SYK: variants seen among roughly 807,000 people sequenced by gnomAD.
SYK encodes tyrosine-protein kinase SYK.
In SYK, 16 loss-of-function variants were observed where a neutral mutation model predicts 77.8. The ratio of observed to expected loss-of-function variants is 0.21; its 90% CI spans 0.14 to 0.31. The LOEUF (loss-of-function observed/expected upper bound fraction) is 0.31, where lower values mean the gene tolerates loss of function less well. SYK is among the 10% of genes least tolerant of loss of function. The pLI, the probability that SYK is intolerant of heterozygous loss-of-function variation, is 1.00. For synonymous variants in SYK, 312 were observed against 308.7 expected, an observed-to-expected ratio of 1.01 and a Z score of -0.11; for missense variants, 529 against 814.4, an observed-to-expected ratio of 0.65 and a Z score of 4.26.
intron 10 of SYK, 31 bp downstream of exon 10, chr9:90,877,811 G>A (rs751384534): frequency 1.2e-6 from 2 of 1,612,338 alleles, no homozygotes; most frequent in Admixed American, 1.7e-5. Context: ...ACATCTGGAA[G>A]CTATCCCCTA....
chr9:90,883,556 G>T (rs1174159832), intron 11 of SYK, among the ~76,000 whole-genome samples: 4 of 152,106 alleles, frequency 2.6e-5, no homozygotes, highest in Non-Finnish European at 5.9e-5. Context: ...CTGGTGGTAG[G>T]CCTTCAGGGC....
At chr9:90,829,476 A>C (rs568434854) in intron 1 of SYK, among the ~76,000 whole-genome samples, 16 of 152,320 alleles carry the variant, frequency 1.1e-4, no homozygotes, top group African/African-American at 3.6e-4. Flanking sequence ...AGTCCTGCCA[A>C]GAACTAGAAT....
At chr9:90,885,368 A>T (rs189988675) in intron 11 of SYK, among the ~76,000 whole-genome samples, 1 of 152,304 alleles carries the variant, frequency 6.6e-6, no homozygotes, top group Admixed American at 6.5e-5. Context: ...GGAACTAAAG[A>T]TTCATTGAAT....
intron 4 of SYK, 41 bp from the exon 5 acceptor site, chr9:90,864,548 G>T: frequency 6.4e-7 from 1 of 1,559,078 alleles, no homozygotes; most frequent in South Asian, 1.1e-5. Context: ...TCTATTTCCT[G>T]ACCTTGGTAT....
intron 9 of SYK, among the ~76,000 whole-genome samples, chr9:90,876,146 G>A (rs944236787): frequency 6.6e-6 from 1 of 152,024 alleles, no homozygotes; most frequent in African/African-American, 2.4e-5. Context: ...AATTAGCTGG[G>A]TGTGGTGGCA....
rs113367349 is a variant in SYK, at chr9:90,896,754, C to T, written c.*1154C>T. ...CATTGATTTCAGTTTTGCTGTACCT[C>T]TTGAAAGTTAAAGAGACATCTCAGC... On this transcript the variant is annotated 3_prime_UTR_variant, in exon 14 of 14. Coordinates refer to ENST00000375754, the MANE Select transcript of SYK (RefSeq NM_003177.7). The T allele has an allele frequency of 3.8e-4, 86 of 226,922 alleles. 2 individuals are homozygous for T. Among genetic ancestry groups the T allele is most frequent in the African/African-American group, 1.8e-3 (83 of 45,150 alleles). The allele number at this position is 226,922 out of a possible 1,614,324, so 14.1% of individuals were successfully genotyped here.
At chr9:90,835,930 G>C (rs539694332) in intron 1 of SYK, among the ~76,000 whole-genome samples, 1 of 152,184 alleles carries the variant, frequency 6.6e-6, no homozygotes, top group East Asian at 1.9e-4. Flanking sequence ...AAAAATATTG[G>C]AAAAAAGTTT....
In SYK at chr9:90,879,040, G is replaced by C. The variant is rs576106772; in HGVS notation, c.1581+87G>C. On this transcript the variant is annotated intron_variant, in intron 11 of 13. Transcript: ENST00000375754. ...GTTTTCTTTATTTTATTATTGGTAT[G>C]GTTTCAAAAAGCAGTTTTGCTACTG... The C allele has an allele frequency of 1.0e-3, 1,108 of 1,077,820 alleles. 2 individuals carry two copies. The highest frequency in any genetic ancestry group is 1.4e-3 in the Admixed American group (61 of 42,904). 66.8% of individuals were successfully genotyped at this position (1,077,820 alleles called of 1,614,324 possible). A position where few individuals can be genotyped will look rare whatever the true frequency, so the allele number is the denominator to read the frequency against.
intron 11 of SYK, among the ~76,000 whole-genome samples, chr9:90,882,149 CT>C (rs1324831707): frequency 6.6e-6 from 1 of 152,176 alleles, no homozygotes; most frequent in Non-Finnish European, 1.5e-5. Context: ...TGAAGACAGC[CT>C]AAATTTCATT....
intron 11 of SYK, among the ~76,000 whole-genome samples, chr9:90,882,933 C>T (rs1828213712): frequency 6.6e-6 from 1 of 152,170 alleles, no homozygotes; most frequent in Non-Finnish European, 1.5e-5. Flanking sequence ...ATCCTAGCGA[C>T]AGAAGAACCC....
At chr9:90,858,209 G>A (rs3789903) in intron 3 of SYK, among the ~76,000 whole-genome samples, 1 of 152,058 alleles carries the variant, frequency 6.6e-6, no homozygotes, top group Non-Finnish European at 1.5e-5. Flanking sequence ...CTCACCTTTG[G>A]ATAGTGTTCT....
chr9:90,854,385 T>C (rs866948928), intron 3 of SYK, among the ~76,000 whole-genome samples: 1 of 152,264 alleles, frequency 6.6e-6, no homozygotes, highest in South Asian at 2.1e-4. Flanking sequence ...CAGGAGGTTG[T>C]GAGCCTCAGC....
chr9:90,803,619 A>C (rs1824698433), intron 1 of SYK, among the ~76,000 whole-genome samples: 1 of 151,920 alleles, frequency 6.6e-6, no homozygotes, highest in Non-Finnish European at 1.5e-5. Flanking sequence ...TGCAGGTCTA[A>C]TCTCTCTGCT....
At chr9:90,849,470 C>T (rs1453998673) in intron 3 of SYK, among the ~76,000 whole-genome samples, 2 of 152,212 alleles carry the variant, frequency 1.3e-5, no homozygotes, top group Non-Finnish European at 2.9e-5. Flanking sequence ...TTGCTTTCCA[C>T]TTCCTGACAT....
chr9:90,864,539 C>A, intron 4 of SYK, 50 bp from the exon 5 acceptor site: 1 of 1,515,932 alleles, frequency 6.6e-7, no homozygotes, highest in South Asian at 1.1e-5. Flanking sequence ...CACTATTTGT[C>A]TATTTCCTGA....
At chr9:90,823,026 T>C (rs1178302801) in intron 1 of SYK, among the ~76,000 whole-genome samples, 4 of 152,152 alleles carry the variant, frequency 2.6e-5, no homozygotes, top group Admixed American at 6.5e-5. Context: ...CAATGGTTAC[T>C]CTCCAAGGGA....
At chr9:90,853,704 C>T (rs1236261391) in intron 3 of SYK, among the ~76,000 whole-genome samples, 1 of 152,022 alleles carries the variant, frequency 6.6e-6, no homozygotes, top group Non-Finnish European at 1.5e-5. Context: ...GGGAACATCA[C>T]ACTCTGGGGA....
In SYK at chr9:90,897,058, TAATTTAGC is replaced by T. The variant is rs1356955935; in HGVS notation, c.*1459_*1466del. 6.4e-5 allele frequency: 14 copies of T among 219,290 alleles called. No homozygotes were observed. The highest frequency in any genetic ancestry group is 3.1e-4 in the African/African-American group (14 of 44,562). 13.6% of individuals were successfully genotyped at this position (219,290 alleles called of 1,614,324 possible). On this transcript the variant is annotated 3_prime_UTR_variant, in exon 14 of 14. Coordinates refer to ENST00000375754, the MANE Select transcript of SYK (RefSeq NM_003177.7). ...CAAACAAAAAAACAACTTAAAGAGG[TAATTTAGC>T]CATCATTCTTATGCCAGCAGATATA...
chr9:90,856,696 A>G (rs971619737), intron 3 of SYK, among the ~76,000 whole-genome samples: 2 of 152,132 alleles, frequency 1.3e-5, no homozygotes, highest in African/African-American at 2.4e-5. Context: ...TTTGTTAAAC[A>G]TTTCATAGTT....
Sources: gnomAD v4.1 joint callset for allele counts (sites outside exome capture counted in the v4.1 genomes callset) on GRCh38, gnomAD v4.1.1 for gene constraint, MANE v1.5 for transcripts, NCBI Gene and HGNC (gene_info 2026-07-23, HGNC 2026-07-21) for gene names.